ADAMTS18: variants seen among roughly 807,000 people sequenced by gnomAD.
ADAMTS18 encodes the protein ADAM metallopeptidase with thrombospondin type 1 motif 18.
A neutral mutation model predicts 165.9 loss-of-function variants in ADAMTS18; 157 were observed. The ratio of observed to expected loss-of-function variants is 0.95; its 90% CI spans 0.83 to 1.08. The LOEUF is 1.08. ADAMTS18 is among the 50% of genes least tolerant of loss of function. The probability of loss-of-function intolerance (pLI) is 0.00; values close to 1 mark genes in which losing one functional copy is unlikely to be tolerated. For missense variants in ADAMTS18, 2,040 were observed against 1,534.0 expected, an observed-to-expected ratio of 1.33 and a Z score of -5.51; for synonymous variants, 782 against 578.2, an observed-to-expected ratio of 1.35 and a Z score of -5.06.
At chr16:77,393,807 G>A (rs2057221947) in intron 3 of ADAMTS18, among the ~76,000 whole-genome samples, 1 of 152,218 alleles carries the variant, frequency 6.6e-6, no homozygotes, top group South Asian at 2.1e-4. Flanking sequence ...TCTGTGGGCT[G>A]GGCCCATTAT....
intron 3 of ADAMTS18, among the ~76,000 whole-genome samples, chr16:77,423,124 T>C (rs1467385406): frequency 6.6e-6 from 1 of 152,206 alleles, no homozygotes; most frequent in Non-Finnish European, 1.5e-5. Flanking sequence ...CCTTTTGAAG[T>C]GCCTTACTAA....
chr16:77,359,327 G>A lies in ADAMTS18; in HGVS notation c.1313C>T (p.Ser438Leu), dbSNP rs1276942011. The A allele has an allele frequency of 6.2e-7, 1 of 1,613,744 alleles. No individual in the cohort carries two copies. Among genetic ancestry groups the A allele is most frequent in the Admixed American group, 1.7e-5 (1 of 59,978 alleles). The part of the protein sequence containing the change: ...LGLAFTIAHE[S>L]GHNFGMIHDG... ...TCAAAGAGGCACTTACTTGTGCCCTGACTCATGAGCGATGGTGAAGGCAAG... is the reference window on the plus strand; with the variant it reads ...TCAAAGAGGCACTTACTTGTGCCCTAACTCATGAGCGATGGTGAAGGCAAG... Residue 438 changes from serine (S) to leucine (L), a missense_variant, in exon 8 of 23, where the codon TCA (serine) becomes TTA (leucine). Physicochemically the swap from Ser to Leu is moderately radical, Grantham distance 145. Coordinates refer to ENST00000282849, the MANE Select transcript of ADAMTS18 (RefSeq NM_199355.4).
chr16:77,291,958 CCT>C (rs1234912904), intron 20 of ADAMTS18, among the ~76,000 whole-genome samples: 1 of 152,150 alleles, frequency 6.6e-6, no homozygotes, highest in African/African-American at 2.4e-5. Flanking sequence ...ATATACCCAA[CCT>C]CTCACACACA....
chr16:77,413,302 A>T (rs771709953), intron 3 of ADAMTS18, among the ~76,000 whole-genome samples: 1 of 152,180 alleles, frequency 6.6e-6, no homozygotes, highest in Non-Finnish European at 1.5e-5. Context: ...TAAAACATTA[A>T]AACTAAAGAC....
intron 16 of ADAMTS18, among the ~76,000 whole-genome samples, chr16:77,307,106 C>T (rs1044279986): frequency 2.0e-5 from 3 of 152,198 alleles, no homozygotes; most frequent in Admixed American, 1.3e-4. Flanking sequence ...TACTTGATCT[C>T]CTCAATCAAT....
At chr16:77,345,246 G>A (rs965030692) in intron 10 of ADAMTS18, among the ~76,000 whole-genome samples, 1 of 152,028 alleles carries the variant, frequency 6.6e-6, no homozygotes, top group South Asian at 2.1e-4. Context: ...ATTACAAACT[G>A]AACACATCCA....
Position 77,367,458 on chromosome 16 carries a change from C to G in ADAMTS18, c.761G>C (p.Cys254Ser), listed in dbSNP as rs763618486. 11 of 1,614,214 alleles carry G rather than the reference C, an allele frequency of 6.8e-6. No homozygotes were observed. In the East Asian group the frequency reaches 2.0e-4, roughly 29 times the overall value. The change falls in exon 4 of 23, where the codon TGT (cysteine) becomes TCT (serine). Residue 254 changes from cysteine (C) to serine (S), a missense_variant. Transcript: ENST00000282849. ...HHRRLQKQHFCGRRKKYAPKP... is the reference protein window; with the variant it reads ...HHRRLQKQHFSGRRKKYAPKP... Reference sequence around the variant, plus strand: ...TTACATACATTTCTTGCGTCGTCCACAAAAATGCTGCTTTTGCAACCTTCG... The same window carrying G: ...TTACATACATTTCTTGCGTCGTCCAGAAAAATGCTGCTTTTGCAACCTTCG...
At chr16:77,370,622 C>T (rs2144750617) in intron 3 of ADAMTS18, among the ~76,000 whole-genome samples, 1 of 152,018 alleles carries the variant, frequency 6.6e-6, no homozygotes, top group East Asian at 1.9e-4. Flanking sequence ...TGATGGTGGG[C>T]ATCTGTAGTC....
intron 4 of ADAMTS18, among the ~76,000 whole-genome samples, chr16:77,366,867 G>T (rs1392700380): frequency 2.0e-5 from 3 of 152,058 alleles, no homozygotes; most frequent in Non-Finnish European, 4.4e-5. Context: ...TAAATAAAAT[G>T]TTATTAAAAT....
chr16:77,405,938 A>T (rs2057388071), intron 3 of ADAMTS18, among the ~76,000 whole-genome samples: 1 of 152,170 alleles, frequency 6.6e-6, no homozygotes, highest in African/African-American at 2.4e-5. Context: ...GAAAGTGACG[A>T]TCTAATAATC....
At chr16:77,322,191 G>T in intron 14 of ADAMTS18, 145 bp downstream of exon 14, 5 of 525,238 alleles carry the variant, frequency 9.5e-6, no homozygotes, top group Non-Finnish European at 1.7e-5. Context: ...TATGGTGCTC[G>T]AATCCAGTGA....
chr16:77,343,873 T>A (rs992616565), intron 10 of ADAMTS18, among the ~76,000 whole-genome samples: 5 of 152,132 alleles, frequency 3.3e-5, no homozygotes, highest in African/African-American at 7.2e-5. Context: ...GATAAAAATG[T>A]GAAGATGGAC....
rs944473693 is a variant in ADAMTS18, at chr16:77,282,483, T to C, written c.*1473A>G. On this transcript the variant is annotated 3_prime_UTR_variant, in exon 23 of 23. Transcript: ENST00000282849. ...TATTTCTCTGGGATTCAAGAACTCA[T>C]GACTTTAATTAGAATGGGAACGAAG... 1 of 152,496 alleles carries C rather than the reference T, an allele frequency of 6.6e-6. No individual in the cohort carries two copies. The highest frequency in any genetic ancestry group is 1.5e-5 in the Non-Finnish European group (1 of 68,038). The allele number at this position is 152,496 out of a possible 1,614,324, so 9.4% of individuals were successfully genotyped here. A position where few individuals can be genotyped will look rare whatever the true frequency, so the allele number is the denominator to read the frequency against.
intron 3 of ADAMTS18, among the ~76,000 whole-genome samples, chr16:77,410,592 G>A (rs542982550): frequency 1.3e-5 from 2 of 152,082 alleles, no homozygotes; most frequent in African/African-American, 4.8e-5. Context: ...ATTTGCACAA[G>A]AACACAATAT....
intron 3 of ADAMTS18, among the ~76,000 whole-genome samples, chr16:77,369,570 C>T (rs2056847473): frequency 6.6e-6 from 1 of 152,116 alleles, no homozygotes; most frequent in African/African-American, 2.4e-5. Context: ...CTGAACAAAC[C>T]AATAACGAGT....
At chr16:77,285,323 C>G (rs1010020091) in intron 22 of ADAMTS18, among the ~76,000 whole-genome samples, 4 of 152,166 alleles carry the variant, frequency 2.6e-5, no homozygotes, top group Non-Finnish European at 5.9e-5. Flanking sequence ...CAGGCACCCA[C>G]CACCACGCCC....
chr16:77,427,435 G>C (rs1317662957), intron 3 of ADAMTS18, among the ~76,000 whole-genome samples: 3 of 152,176 alleles, frequency 2.0e-5, no homozygotes, highest in African/African-American at 7.2e-5. Flanking sequence ...TGGCTTGCTG[G>C]ATGTAATGAC....
At chr16:77,411,604 A>C (rs558435821) in intron 3 of ADAMTS18, among the ~76,000 whole-genome samples, 2 of 151,380 alleles carry the variant, frequency 1.3e-5, no homozygotes, top group Admixed American at 6.6e-5. Context: ...AGTCAACTTT[A>C]CCATTGAATG....
At position 77,362,242 on chromosome 16, in the gene ADAMTS18, T is replaced by C. The variant is rs765238691; in HGVS notation, c.1079A>G (p.His360Arg). The C allele has an allele frequency of 5.6e-6, 9 of 1,614,052 alleles. No homozygotes were observed. The highest frequency in any genetic ancestry group is 1.7e-5 in the Admixed American group (1 of 60,010). The change falls in exon 7 of 23, where the codon CAT (histidine) becomes CGT (arginine). Residue 360 changes from histidine (H) to arginine (R), a missense_variant. By Grantham distance (29) the His-to-Arg change is conservative. Transcript: ENST00000282849. Reference protein sequence around the residue: ...QEPGGLLINHHADQSLNSFCQ... With the variant: ...QEPGGLLINHRADQSLNSFCQ... ...AAAACTATTCAGAGACTGGTCTGCA[T>C]GATGGTTGATCAATAATCCTCCCTA...
Sources: gnomAD v4.1 joint callset for allele counts (sites outside exome capture counted in the v4.1 genomes callset) on GRCh38, gnomAD v4.1.1 for gene constraint, MANE v1.5 for transcripts, NCBI Gene and HGNC (gene_info 2026-07-23, HGNC 2026-07-21) for gene names.